The following STAT4 variants were observed in gnomAD, a reference collection of about 807,000 sequenced individuals.
The protein encoded by STAT4 is signal transducer and activator of transcription 4.
A neutral mutation model predicts 110.5 loss-of-function variants in STAT4; 42 were observed. The observed-to-expected ratio is 0.38, with a 90% CI of 0.30 to 0.49. The LOEUF (loss-of-function observed/expected upper bound fraction) is 0.49, where lower values mean the gene tolerates loss of function less well. Among genes scored for constraint, STAT4 ranks in the 20% least tolerant of loss-of-function variants. The probability of loss-of-function intolerance (pLI) is 0.95; values close to 1 mark genes in which losing one functional copy is unlikely to be tolerated. For synonymous variants in STAT4, 284 were observed against 302.2 expected (o/e 0.94, Z 0.63); for missense variants, 632 against 887.9 (o/e 0.71, Z 3.66).
Position 191,050,966 on chromosome 2 carries a change from A to G in STAT4, c.1251+3524T>C, listed in dbSNP as rs1696507032. Among the ~76,000 whole-genome samples the G allele has an allele frequency of 6.6e-6, 1 of 152,204 alleles. No individual in the cohort carries two copies. The highest frequency in any genetic ancestry group is 1.5e-5 in the Non-Finnish European group (1 of 68,046). On this transcript the variant is annotated intron_variant, in intron 14 of 23. Coordinates refer to ENST00000392320, the MANE Select transcript of STAT4 (RefSeq NM_003151.4). This position sits in a 1 kb window ranked among gnomAD's most constrained non-coding sequence, Gnocchi z 4.3. ...ATGACATCTTTGTCCATTGTCAATC[A>G]TTTAATAACTATCTGATACAAAGTC...
At chr2:191,136,005 G>GAAA (rs745380203) in intron 3 of STAT4, among the ~76,000 whole-genome samples, 8 of 79,738 alleles carry the variant, frequency 1.0e-4, no homozygotes, top group East Asian at 3.0e-4. Context: ...CAGCATCTCA[G>GAAA]AAAAAAAAAA....
rs1020875496 is a variant in STAT4, at chr2:191,078,405, T to C, written c.274-2080A>G. On this transcript the variant is annotated intron_variant, in intron 3 of 23. Transcript: ENST00000392320. ...CCCATACTTTGTATGGTTAAATTAC[T>C]CACTTTTTCTTCTTTGTTAAGAGCC... 3.4e-4 allele frequency among the ~76,000 whole-genome samples: 52 copies of C among 152,302 alleles called. 1 individual carries two copies. The highest frequency in any genetic ancestry group is 2.9e-3 in the Admixed American group (44 of 15,296).
At chr2:191,052,969 C>G (rs1287423064) in intron 14 of STAT4, among the ~76,000 whole-genome samples, 1 of 152,148 alleles carries the variant, frequency 6.6e-6, no homozygotes, top group Non-Finnish European at 1.5e-5. Context: ...CGATTCTACC[C>G]TGGAAGACTG....
chr2:191,050,701 C>G lies in STAT4; in HGVS notation c.1251+3789G>C, dbSNP rs1323187192. ...CTTGATAGAAACAGGCATGAGGGAG[C>G]CAGAGCTCCACATTTCCCCAACCCC... On this transcript the variant is annotated intron_variant, in intron 14 of 23. Transcript: ENST00000392320. The surrounding 1 kb of genome is among the most constrained non-coding windows in gnomAD (Gnocchi z 4.3). Among the ~76,000 whole-genome samples, 1 of 152,000 alleles carries G rather than the reference C, an allele frequency of 6.6e-6. No individual in the cohort carries two copies. The highest frequency in any genetic ancestry group is 2.4e-5 in the African/African-American group (1 of 41,380).
chr2:191,148,292 T>A lies in STAT4; in HGVS notation c.-1-88A>T, dbSNP rs2305544. The A allele has an allele frequency of 2.0e-5, 29 of 1,458,964 alleles. No individual in the cohort carries two copies. The East Asian group carries it at 6.8e-4, about 34-fold the overall frequency. 90.4% of individuals were successfully genotyped at this position (1,458,964 alleles called of 1,614,324 possible). A position where few individuals can be genotyped will look rare whatever the true frequency, so the allele number is the denominator to read the frequency against. ...CTTCTTTCCTTAGAATTAGTCAATG[T>A]TATGACTGAATTCCAATATATCCAA... On this transcript the variant is annotated intron_variant, in intron 1 of 23. Coordinates refer to ENST00000392320, the MANE Select transcript of STAT4 (RefSeq NM_003151.4).
Position 191,076,220 on chromosome 2 carries a change from ATAT to A in STAT4, c.372+4_372+6del. 3 of 1,611,188 alleles carry A rather than the reference ATAT, an allele frequency of 1.9e-6. No homozygotes were observed. In the South Asian group the frequency reaches 3.3e-5, roughly 18 times the overall value. ...GATAACAAGATCACAAGGTCAGAAA[ATAT>A]TACCTGGACAGGCATGTTGGCTGCA... On this transcript the variant is annotated splice_donor_5th_base_variant and intron_variant, in intron 4 of 23. Transcript: ENST00000392320.
chr2:191,079,557 C>T (rs951565000), intron 3 of STAT4, among the ~76,000 whole-genome samples: 3 of 151,916 alleles, frequency 2.0e-5, no homozygotes, highest in Admixed American at 1.3e-4. Flanking sequence ...TGTAATATCT[C>T]TTATTAATTC....
rs1699381562 is a variant in STAT4, at chr2:191,143,264, A to C, written c.273+3349T>G. ...AGCAAAAGACTATGGTTCTTGCTGC[A>C]GGTTTTAGAATCAATTATCTCCATA... is the stretch of plus-strand genomic sequence containing the variant. On this transcript the variant is annotated intron_variant, in intron 3 of 23. Transcript: ENST00000392320. The surrounding 1 kb of genome is among the most constrained non-coding windows in gnomAD (Gnocchi z 5.6). Among the ~76,000 whole-genome samples the C allele has an allele frequency of 6.6e-6, 1 of 152,196 alleles. No individual in the cohort carries two copies. The highest frequency in any genetic ancestry group is 2.1e-4 in the South Asian group (1 of 4,826).
In STAT4 at chr2:191,039,176, G is replaced by A. The variant is rs1696121685; in HGVS notation, c.1434+23C>T. 6.2e-7 allele frequency: 1 copy of A among 1,601,482 alleles called. No individual in the cohort carries two copies. The highest frequency in any genetic ancestry group is 8.6e-7 in the Non-Finnish European group (1 of 1,168,548). ...AAACAAATCGAATAGCATTAAAGAA[G>A]TTGAGGTAGAAATAGAGTCTACCTG... On this transcript the variant is annotated intron_variant, in intron 16 of 23. Transcript: ENST00000392320. This position sits in a 1 kb window ranked among gnomAD's most constrained non-coding sequence, Gnocchi z 4.7.
chr2:191,095,296 C>T (rs1187419767), intron 3 of STAT4, among the ~76,000 whole-genome samples: 11 of 152,156 alleles, frequency 7.2e-5, no homozygotes, highest in African/African-American at 2.2e-4. Context: ...CCACCCCAAA[C>T]CAACAGAATA....
chr2:191,036,046 G>T, intron 17 of STAT4, 118 bp downstream of exon 17: 1 of 1,211,786 alleles, frequency 8.3e-7, no homozygotes, highest in Non-Finnish European at 1.1e-6. Flanking sequence ...AATATAGTAG[G>T]CATTGAATAA....
chr2:191,106,661 A>ATAAAAT (rs1375925740), intron 3 of STAT4, among the ~76,000 whole-genome samples: 1 of 118,224 alleles, frequency 8.5e-6, no homozygotes, highest in East Asian at 5.0e-4. Flanking sequence ...ATAAAATAAA[A>ATAAAAT]TAAAATAAAA....
Position 191,117,126 on chromosome 2 carries a change from T to C in STAT4, c.273+29487A>G, listed in dbSNP as rs1698592721. Among the ~76,000 whole-genome samples, 1 of 152,174 alleles carries C rather than the reference T, an allele frequency of 6.6e-6. No individual in the cohort carries two copies. Among genetic ancestry groups the C allele is most frequent in the Non-Finnish European group, 1.5e-5 (1 of 68,040 alleles). On this transcript the variant is annotated intron_variant, in intron 3 of 23. Transcript: ENST00000392320. This position sits in a 1 kb window ranked among gnomAD's most constrained non-coding sequence, Gnocchi z 5.2. ...TCAAATGCGTCATTAGGGATTCTAA[T>C]AAAGCAGGCAATGTTGAGAACACTG...
intron 3 of STAT4, among the ~76,000 whole-genome samples, chr2:191,133,331 C>G (rs1409313915): frequency 6.6e-6 from 1 of 151,312 alleles, no homozygotes; most frequent in East Asian, 1.9e-4. Flanking sequence ...CAAACAAAAT[C>G]CCTCCCTTTA....
intron 3 of STAT4, chr2:191,122,055 T>A (rs919852946): frequency 2.0e-5 from 3 of 152,164 alleles, no homozygotes; most frequent in African/African-American, 7.2e-5. Flanking sequence ...TTCCATATTT[T>A]TTTTGTTTGT....
chr2:191,128,575 C>T (rs1174476430), intron 3 of STAT4, among the ~76,000 whole-genome samples: 2 of 152,210 alleles, frequency 1.3e-5, no homozygotes, highest in Admixed American at 1.3e-4. Context: ...AAGGAACTCA[C>T]TTATGGCTTG....
chr2:191,034,567 G>A lies in STAT4; in HGVS notation c.1601C>T (p.Thr534Ile). The change falls in exon 18 of 24, where the codon ACC (threonine) becomes ATC (isoleucine). Residue 534 changes from threonine to isoleucine, a missense_variant. Thr to Ile is a moderately conservative substitution (Grantham distance 89). This residue lies in a region of STAT4 where 488 missense variants were observed against 632.8 expected (regional missense o/e 0.77). Coordinates refer to ENST00000392320, the MANE Select transcript of STAT4 (RefSeq NM_003151.4). ...TTGTACCTTGCAGAACTTGGCCCAG[G>A]TGAGGTGACCATCACTGTAGCTAGA... ...VQSSYSDGHL[T>I]WAKFCKEHLP... The A allele has an allele frequency of 6.2e-7, 1 of 1,613,776 alleles. No individual in the cohort carries two copies.
chr2:191,137,695 G>T (rs1191943857), intron 3 of STAT4, among the ~76,000 whole-genome samples: 1 of 152,082 alleles, frequency 6.6e-6, no homozygotes, highest in Non-Finnish European at 1.5e-5. Context: ...ACAGAATAGA[G>T]AACCCAGAAA....
chr2:191,079,763 A>AT (rs765260094), intron 3 of STAT4, among the ~76,000 whole-genome samples: 6 of 151,852 alleles, frequency 4.0e-5, no homozygotes, highest in Non-Finnish European at 7.4e-5. Context: ...TTTTTTACAG[A>AT]TTTTTAGAAT....
Sources: allele counts gnomAD v4.1 joint callset (sites outside exome capture counted in the v4.1 genomes callset), GRCh38; gene constraint gnomAD v4.1.1; regional missense constraint gnomAD v4.1.1; non-coding constraint Gnocchi (gnomAD v3.1); transcripts MANE v1.5; gene names NCBI Gene and HGNC (gene_info 2026-07-23, HGNC 2026-07-21).